The following PPP2R2C variants were observed in gnomAD, a reference collection of about 807,000 sequenced individuals.
PPP2R2C encodes protein phosphatase 2, regulatory subunit B, gamma.
PPP2R2C carries 10 observed loss-of-function variants against 45.3 expected under a neutral mutation model. The ratio of observed to expected loss-of-function variants is 0.22; its 90% CI spans 0.14 to 0.37. PPP2R2C has a LOEUF of 0.37. Ranked by LOEUF, PPP2R2C falls within the 10% of genes least tolerant of loss-of-function variation. PPP2R2C has a pLI of 1.00. For synonymous variants in PPP2R2C, 257 were observed against 245.4 expected (o/e 1.05, Z -0.44); for missense variants, 308 against 619.7 (o/e 0.50, Z 5.34).
intron 1 of PPP2R2C, among the ~76,000 whole-genome samples, chr4:6,546,299 A>G (rs1157261260): frequency 2.0e-5 from 3 of 152,152 alleles, no homozygotes; most frequent in East Asian, 3.8e-4. Flanking sequence ...CTGACTTCAC[A>G]CCTGGGAGGG....
At chr4:6,543,320 C>A (rs1040454864) in intron 1 of PPP2R2C, among the ~76,000 whole-genome samples, 3 of 152,204 alleles carry the variant, frequency 2.0e-5, no homozygotes, top group African/African-American at 7.2e-5. Context: ...TCCTAATCGA[C>A]ACCCCACACA....
chr4:6,469,976 G>C (rs1341091690), intron 1 of PPP2R2C, among the ~76,000 whole-genome samples: 1 of 152,236 alleles, frequency 6.6e-6, no homozygotes, highest in Non-Finnish European at 1.5e-5. Context: ...TCTCAAGGTG[G>C]GGATAAGGCG....
chr4:6,563,639 C>T, upstream of PPP2R2C: 1 of 141,872 alleles, frequency 7.0e-6, no homozygotes, highest in South Asian at 2.0e-4. This position sits in a 1 kb window ranked among gnomAD's most constrained non-coding sequence, Gnocchi z 5.8. Flanking sequence ...GCGCGGCGGG[C>T]GCGGCGGGGG....
intron 4 of PPP2R2C, 59 bp from the exon 5 acceptor site, chr4:6,372,759 G>T: frequency 6.5e-7 from 1 of 1,540,232 alleles, no homozygotes; most frequent in Non-Finnish European, 8.9e-7. Flanking sequence ...TCAGGACATA[G>T]CATGCCGTGA....
rs181511330 is a variant in PPP2R2C, at chr4:6,339,866, C to T, written c.791-6135G>A. On this transcript the variant is annotated intron_variant, in intron 6 of 8. Coordinates refer to ENST00000382599, the MANE Select transcript of PPP2R2C (RefSeq NM_020416.4). ...GGTGGAGTGGCCTGGGCCAGCTGGC[C>T]TCACCTCAGGCCGCGCTCCAGGAGG... Among the ~76,000 whole-genome samples the T allele has an allele frequency of 4.9e-4, 74 of 152,322 alleles. 1 individual carries two copies. The highest frequency in any genetic ancestry group is 4.8e-3 in the Admixed American group (73 of 15,304).
intron 6 of PPP2R2C, among the ~76,000 whole-genome samples, chr4:6,343,214 G>A (rs548137058): frequency 6.6e-6 from 1 of 152,310 alleles, no homozygotes; most frequent in African/African-American, 2.4e-5. Context: ...CCCGGACAAG[G>A]CATGCAGAAG....
At chr4:6,531,097 G>A (rs34560015) in intron 2 of PPP2R2C, among the ~76,000 whole-genome samples, 42,085 of 152,180 alleles carry the variant, frequency 0.28, 5,978 homozygotes, top group African/African-American at 0.34. Flanking sequence ...AGCTGTGCCT[G>A]GTGGCACCAA....
At chr4:6,551,002 T>C (rs1457281708) in intron 1 of PPP2R2C, among the ~76,000 whole-genome samples, 1 of 152,176 alleles carries the variant, frequency 6.6e-6, no homozygotes, top group African/African-American at 2.4e-5. Context: ...TGGAGGTCAA[T>C]TGCCATACCT....
chr4:6,461,503 G>A (rs1313884205), intron 1 of PPP2R2C, among the ~76,000 whole-genome samples: 1 of 152,184 alleles, frequency 6.6e-6, no homozygotes, highest in Non-Finnish European at 1.5e-5. Context: ...CTGGGCCAAA[G>A]TGTTTAAGGA....
rs1720090355 is a variant in PPP2R2C, at chr4:6,440,317, T to C, written c.70+31843A>G. 2.6e-5 allele frequency among the ~76,000 whole-genome samples: 4 copies of C among 152,342 alleles called. No individual in the cohort carries two copies. The South Asian group carries it at 8.3e-4, about 32-fold the overall frequency. On this transcript the variant is annotated intron_variant, in intron 1 of 8. Transcript: ENST00000382599. ...GTTATCAGAAAAGAGTTCTAACCTT[T>C]AGAGTTTTGTATCTGAATGATCAGT...
rs1718177683 is a variant in PPP2R2C at position 6,411,335 on chromosome 4, T to A, written c.71-30241A>T. On this transcript the variant is annotated intron_variant, in intron 1 of 8. Coordinates refer to ENST00000382599, the MANE Select transcript of PPP2R2C (RefSeq NM_020416.4). The stretch of plus-strand genomic sequence containing the variant: ...CACTAGGAGGACCCTGCTGCCAGCC[T>A]CACAGGGCTGGAATGAATACTGGAG... 3.3e-5 allele frequency among the ~76,000 whole-genome samples: 5 copies of A among 152,006 alleles called. No homozygotes were observed. The South Asian group carries it at 1.0e-3, about 32-fold the overall frequency.
chr4:6,347,363 T>C (rs1712072417), intron 6 of PPP2R2C, among the ~76,000 whole-genome samples: 1 of 152,008 alleles, frequency 6.6e-6, no homozygotes, highest in Admixed American at 6.5e-5. Flanking sequence ...ACAGCAGGCC[T>C]GTGGTGGGTT....
chr4:6,417,637 G>T (rs1361255876), intron 1 of PPP2R2C, among the ~76,000 whole-genome samples: 2 of 152,236 alleles, frequency 1.3e-5, no homozygotes, highest in Non-Finnish European at 2.9e-5. Flanking sequence ...TCCTGCTGAG[G>T]CTTTCGGGGG....
Position 6,329,946 on chromosome 4 carries a change from T to C in PPP2R2C, c.961-593A>G, listed in dbSNP as rs1366482584. Among the ~76,000 whole-genome samples the C allele has an allele frequency of 2.0e-5, 3 of 152,018 alleles. No individual in the cohort carries two copies. The highest frequency in any genetic ancestry group is 2.0e-4 in the Admixed American group (3 of 15,258). On this transcript the variant is annotated intron_variant, in intron 7 of 8. Coordinates refer to ENST00000382599, the MANE Select transcript of PPP2R2C (RefSeq NM_020416.4). The surrounding 1 kb of genome is among the most constrained non-coding windows in gnomAD (Gnocchi z 5.8). ...GGCATTAAGTGCAGGGCAGGCCTTT[T>C]GAGGGTAATGATCTCCGAGAACACA...
chr4:6,542,415 T>C (rs2108832674), intron 1 of PPP2R2C, among the ~76,000 whole-genome samples: 1 of 152,218 alleles, frequency 6.6e-6, no homozygotes, highest in South Asian at 2.1e-4. Context: ...GCGAGAATGG[T>C]TGGGCGCGGT....
intron 1 of PPP2R2C, among the ~76,000 whole-genome samples, chr4:6,385,986 G>A (rs992537664): frequency 6.6e-6 from 1 of 152,168 alleles, no homozygotes; most frequent in Non-Finnish European, 1.5e-5. Flanking sequence ...CCGCACTATG[G>A]TTGACCACAT....
rs993696574 is a variant in PPP2R2C at position 6,323,069 on chromosome 4, G to A, written c.*233C>T. The A allele has an allele frequency of 6.9e-6, 3 of 435,764 alleles. No individual in the cohort carries two copies. Among genetic ancestry groups the A allele is most frequent in the African/African-American group, 2.0e-5 (1 of 50,290 alleles). 27.0% of individuals were successfully genotyped at this position (435,764 alleles called of 1,614,324 possible). On this transcript the variant is annotated 3_prime_UTR_variant, in exon 9 of 9. Transcript: ENST00000382599. Reference sequence around the variant, plus strand: ...CATTTTATGATTTGTGGCGGTGAACGCTTCCTTTCCTTTTTATTTTTTTAA... The same window carrying A: ...CATTTTATGATTTGTGGCGGTGAACACTTCCTTTCCTTTTTATTTTTTTAA...
chr4:6,346,784 A>C (rs1711988182), intron 6 of PPP2R2C, among the ~76,000 whole-genome samples: 1 of 152,054 alleles, frequency 6.6e-6, no homozygotes, highest in Non-Finnish European at 1.5e-5. Context: ...CAGACACCCT[A>C]AGGGAACAGT....
At chr4:6,415,522 C>T (rs537737422) in intron 1 of PPP2R2C, among the ~76,000 whole-genome samples, 6 of 152,182 alleles carry the variant, frequency 3.9e-5, no homozygotes, top group Non-Finnish European at 2.9e-5. Flanking sequence ...TGATCCAGGC[C>T]GAGGGGAACC....
Sources: gnomAD v4.1 joint callset for allele counts (sites outside exome capture counted in the v4.1 genomes callset) on GRCh38, gnomAD v4.1.1 for gene constraint, Gnocchi (gnomAD v3.1) non-coding constraint, MANE v1.5 for transcripts, NCBI Gene and HGNC (gene_info 2026-07-23, HGNC 2026-07-21) for gene names.